Variants in MAPK4 observed in about 807,000 individuals in gnomAD.
The protein encoded by MAPK4 is mitogen-activated protein kinase 4.
In MAPK4, 22 loss-of-function variants were observed where a neutral mutation model predicts 47.7. That is an observed-to-expected ratio of 0.46 (90% CI 0.33 to 0.66). The LOEUF is 0.66. Among genes scored for constraint, MAPK4 ranks in the 30% least tolerant of loss-of-function variants. MAPK4 has a pLI of 0.02. For synonymous variants in MAPK4, 390 were observed against 365.7 expected (o/e 1.07, Z -0.76); for missense variants, 736 against 831.7 (o/e 0.88, Z 1.42).
chr18:50,701,157 T>A (rs1204044505), intron 2 of MAPK4, among the ~76,000 whole-genome samples: 1 of 152,000 alleles, frequency 6.6e-6, no homozygotes, highest in African/African-American at 2.4e-5. Context: ...AAGCTTAAAT[T>A]CTAACAAGAC....
intron 3 of MAPK4, 41 bp from the exon 4 acceptor site, chr18:50,721,897 C>T (rs2144470448): frequency 1.2e-6 from 2 of 1,610,640 alleles, no homozygotes; most frequent in East Asian, 2.2e-5. Flanking sequence ...CACCACAGCC[C>T]CTTGGACAGC....
intron 3 of MAPK4, among the ~76,000 whole-genome samples, chr18:50,718,856 C>A (rs918585215): frequency 1.3e-5 from 2 of 151,834 alleles, no homozygotes; most frequent in Admixed American, 1.3e-4. Flanking sequence ...CCGAGGTGGG[C>A]GGATTGCCTG....
chr18:50,651,100 C>A (rs991787415), intron 1 of MAPK4, among the ~76,000 whole-genome samples: 10 of 152,042 alleles, frequency 6.6e-5, no homozygotes, highest in African/African-American at 1.9e-4. Context: ...GGATGGTCAC[C>A]TTTTTCAGCA....
chr18:50,605,326 C>G (rs555627996), intron 1 of MAPK4, among the ~76,000 whole-genome samples: 156 of 152,248 alleles, frequency 1.0e-3, no homozygotes, highest in African/African-American at 3.5e-3. Context: ...AGTAAAGAGG[C>G]AGCAGAGGGC....
intron 2 of MAPK4, among the ~76,000 whole-genome samples, chr18:50,701,197 C>A (rs1188556437): frequency 6.8e-6 from 1 of 146,134 alleles, no homozygotes; most frequent in Non-Finnish European, 1.5e-5. Context: ...TCCTCCTTGG[C>A]CATTATCCTC....
At chr18:50,570,003 G>T (rs1243448163) in intron 1 of MAPK4, among the ~76,000 whole-genome samples, 1 of 152,218 alleles carries the variant, frequency 6.6e-6, no homozygotes, top group African/African-American at 2.4e-5. Context: ...CTTTTAGGAA[G>T]GTTTGTTGTT....
intron 1 of MAPK4, among the ~76,000 whole-genome samples, chr18:50,651,327 G>A (rs1403929849): frequency 1.3e-5 from 2 of 152,140 alleles, no homozygotes; most frequent in Non-Finnish European, 1.5e-5. Flanking sequence ...CCTGGAGGCT[G>A]ACCAGTTCTC....
intron 1 of MAPK4, among the ~76,000 whole-genome samples, chr18:50,659,910 G>A (rs2043151567): frequency 6.6e-6 from 1 of 152,146 alleles, no homozygotes; most frequent in Admixed American, 6.5e-5. Context: ...AGAATGGTTG[G>A]GCTTTGCCCT....
At position 50,667,812 on chromosome 18, in the gene MAPK4, G is replaced by A. The variant is rs138823409; in HGVS notation, c.546+3308G>A. Among the ~76,000 whole-genome samples the A allele has an allele frequency of 1.3e-3, 205 of 152,272 alleles. 1 individual carries two copies. Among genetic ancestry groups the A allele is most frequent in the Non-Finnish European group, 1.3e-3 (90 of 68,008 alleles). On this transcript the variant is annotated intron_variant, in intron 2 of 5. Coordinates refer to ENST00000400384, the MANE Select transcript of MAPK4 (RefSeq NM_002747.4). ...AAAACCTTGGGGATTTCTCCCCACC[G>A]GCAAGCTAGCAATCAGTTCTTCAGT...
intron 1 of MAPK4, among the ~76,000 whole-genome samples, chr18:50,625,911 CACACACACACACACACAT>C (rs745321206): frequency 0.013 from 1,119 of 87,752 alleles, 6 homozygotes; most frequent in South Asian, 0.023. Context: ...CACACACACA[CACACACACACACACACAT>C]ATATAATGAC....
intron 1 of MAPK4, among the ~76,000 whole-genome samples, chr18:50,654,394 T>C (rs1395688617): frequency 6.6e-6 from 1 of 152,256 alleles, no homozygotes; most frequent in Non-Finnish European, 1.5e-5. Context: ...AGATGCAGGC[T>C]CTGCCTCTCC....
At chr18:50,625,372 A>ATCCTTGCACTTTATTTTTC (rs2042768019) in intron 1 of MAPK4, among the ~76,000 whole-genome samples, 1 of 152,074 alleles carries the variant, frequency 6.6e-6, no homozygotes, top group African/African-American at 2.4e-5. Flanking sequence ...TCCTCACTTT[A>ATCCTTGCACTTTATTTTTC]TCCTTGCACT....
At chr18:50,633,047 G>A (rs1490699693) in intron 1 of MAPK4, among the ~76,000 whole-genome samples, 1 of 152,160 alleles carries the variant, frequency 6.6e-6, no homozygotes, top group Non-Finnish European at 1.5e-5. Flanking sequence ...CAAAGGTTAA[G>A]GCTGTAGTCT....
intron 2 of MAPK4, among the ~76,000 whole-genome samples, chr18:50,702,006 G>GA (rs1172421192): frequency 3.4e-4 from 51 of 151,684 alleles, no homozygotes; most frequent in African/African-American, 1.2e-3. Flanking sequence ...ACTAAAAACA[G>GA]AAAAAATTAG....
At chr18:50,621,821 A>G (rs2042734470) in intron 1 of MAPK4, among the ~76,000 whole-genome samples, 1 of 152,252 alleles carries the variant, frequency 6.6e-6, no homozygotes, top group African/African-American at 2.4e-5. Context: ...CCCATATCCA[A>G]GTACCTGCGA....
chr18:50,726,889 A>G (rs1911232367), intron 5 of MAPK4, among the ~76,000 whole-genome samples: 2 of 152,028 alleles, frequency 1.3e-5, no homozygotes, highest in South Asian at 4.1e-4. Flanking sequence ...CGGGGGCTAC[A>G]TTATTATTGC....
chr18:50,575,688 AACAG>A (rs1432267139), intron 1 of MAPK4, among the ~76,000 whole-genome samples: 2 of 152,198 alleles, frequency 1.3e-5, no homozygotes, highest in African/African-American at 4.8e-5. Flanking sequence ...ATCGACAGCA[AACAG>A]ACAGTCTACA....
At chr18:50,593,572 G>A (rs776100621) in intron 1 of MAPK4, among the ~76,000 whole-genome samples, 6 of 152,154 alleles carry the variant, frequency 3.9e-5, no homozygotes, top group Non-Finnish European at 5.9e-5. Context: ...TAAGCAAAGG[G>A]CAGGACTTGT....
At chr18:50,621,639 A>G (rs1367808074) in intron 1 of MAPK4, among the ~76,000 whole-genome samples, 2 of 152,244 alleles carry the variant, frequency 1.3e-5, no homozygotes, top group Non-Finnish European at 2.9e-5. Flanking sequence ...CAGCACAGAC[A>G]GGATCCCAGA....
Sources: allele counts gnomAD v4.1 joint callset (sites outside exome capture counted in the v4.1 genomes callset), GRCh38; gene constraint gnomAD v4.1.1; transcripts MANE v1.5; gene names NCBI Gene and HGNC (gene_info 2026-07-23, HGNC 2026-07-21).